PRELID2: variants seen among roughly 807,000 people sequenced by gnomAD.
The protein encoded by PRELID2 is PRELI domain-containing protein 2.
PRELID2 carries 25 observed loss-of-function variants against 28.4 expected under a neutral mutation model. The ratio of observed to expected loss-of-function variants is 0.88; its 90% CI spans 0.64 to 1.23. The LOEUF (loss-of-function observed/expected upper bound fraction) is 1.23, where lower values mean the gene tolerates loss of function less well. Ranked by LOEUF, PRELID2 falls within the 50% of genes most tolerant of loss-of-function variation. PRELID2 has a pLI of 0.00. For synonymous variants in PRELID2, 76 were observed against 71.6 expected, an observed-to-expected ratio of 1.06 and a Z score of -0.31; for missense variants, 201 against 214.4, an observed-to-expected ratio of 0.94 and a Z score of 0.39.
chr5:145,762,544 T>C (rs1757525860), intron 6 of PRELID2, among the ~76,000 whole-genome samples: 1 of 152,030 alleles, frequency 6.6e-6, no homozygotes, highest in Non-Finnish European at 1.5e-5. Flanking sequence ...TGTCTCAAAA[T>C]AAAACAAAAC....
the PRELID2 span, among the ~76,000 whole-genome samples, chr5:145,372,328 A>T: frequency 6.6e-6 from 1 of 151,948 alleles, no homozygotes; most frequent in Non-Finnish European, 1.5e-5. Context: ...TACAGTTTCC[A>T]TTATTTTGCA....
At chr5:145,761,099 T>C (rs1245965436) in intron 6 of PRELID2, among the ~76,000 whole-genome samples, 1 of 152,118 alleles carries the variant, frequency 6.6e-6, no homozygotes, top group Admixed American at 6.5e-5. Context: ...TCACTTTCTA[T>C]GTGAATTTAA....
At chr5:145,297,705 T>C in the PRELID2 span, among the ~76,000 whole-genome samples, 2 of 152,052 alleles carry the variant, frequency 1.3e-5, no homozygotes, top group Non-Finnish European at 2.9e-5. Flanking sequence ...GACATGATTG[T>C]ATATCTAGAA....
the PRELID2 span, among the ~76,000 whole-genome samples, chr5:145,345,449 C>T: frequency 6.6e-6 from 1 of 151,916 alleles, no homozygotes; most frequent in East Asian, 1.9e-4. Flanking sequence ...CAAAATGTTC[C>T]TCCCTCTCTA....
the PRELID2 span, among the ~76,000 whole-genome samples, chr5:145,462,380 C>T: frequency 6.6e-6 from 1 of 152,192 alleles, no homozygotes; most frequent in Non-Finnish European, 1.5e-5. Flanking sequence ...CCATGTCAAT[C>T]ATTGTTCAGT....
At chr5:145,817,080 T>G (rs534875897) in intron 4 of PRELID2, among the ~76,000 whole-genome samples, 1 of 150,488 alleles carries the variant, frequency 6.6e-6, no homozygotes, top group Admixed American at 6.6e-5. Flanking sequence ...AGTCCCTGCT[T>G]CTCAGGAGGC....
chr5:145,828,575 G>A (rs995459278), intron 1 of PRELID2, among the ~76,000 whole-genome samples: 1 of 152,146 alleles, frequency 6.6e-6, no homozygotes, highest in Admixed American at 6.5e-5. Flanking sequence ...ACTAGCATTA[G>A]GGAAAGGGCT....
chr5:145,444,652 T>C, the PRELID2 span, among the ~76,000 whole-genome samples: 2 of 151,902 alleles, frequency 1.3e-5, no homozygotes, highest in African/African-American at 4.8e-5. Context: ...TTTGACTAAC[T>C]AAGAGAATAA....
In PRELID2 at chr5:145,648,467, G is replaced by A. The variant is rs182461007; in HGVS notation, n.70+116464C>T. Among the ~76,000 whole-genome samples the A allele has an allele frequency of 1.7e-3, 264 of 151,614 alleles. 1 individual carries two copies. The highest frequency in any genetic ancestry group is 3.6e-3 in the Admixed American group (55 of 15,248). On this transcript the variant is annotated intron_variant and non_coding_transcript_variant, in intron 1 of 2. Coordinates refer to the PRELID2 transcript ENST00000510259. ...TATTTTCAAGTTAATAGTTATCTTT[G>A]GTGAGGGAAGGAGATTATAAGGATT...
the PRELID2 span, among the ~76,000 whole-genome samples, chr5:145,338,624 T>C: frequency 1.3e-5 from 2 of 152,256 alleles, no homozygotes; most frequent in African/African-American, 4.8e-5. Context: ...TATATATTTT[T>C]AAAGATCTTG....
the PRELID2 span, among the ~76,000 whole-genome samples, chr5:145,359,653 A>G: frequency 4.6e-5 from 7 of 152,166 alleles, no homozygotes; most frequent in Non-Finnish European, 1.0e-4. Context: ...AAAAAGCTGG[A>G]AGGCTATGTA....
At chr5:145,296,178 T>A in the PRELID2 span, among the ~76,000 whole-genome samples, 1 of 151,602 alleles carries the variant, frequency 6.6e-6, no homozygotes, top group Non-Finnish European at 1.5e-5. Flanking sequence ...TTTTGGTTTT[T>A]TTATTTATTT....
intron 1 of PRELID2, among the ~76,000 whole-genome samples, chr5:145,682,071 A>G (rs972514613): frequency 2.6e-5 from 4 of 152,146 alleles, no homozygotes; most frequent in African/African-American, 9.7e-5. Flanking sequence ...AAAAAAAAAG[A>G]CCAACAAAGA....
At chr5:145,317,526 T>G in the PRELID2 span, among the ~76,000 whole-genome samples, 10 of 152,314 alleles carry the variant, frequency 6.6e-5, no homozygotes, top group East Asian at 1.9e-3. Context: ...GGACTGACCC[T>G]TGAAATCTTT....
chr5:145,695,298 A>T (rs141122214), intron 1 of PRELID2, among the ~76,000 whole-genome samples: 1 of 152,326 alleles, frequency 6.6e-6, no homozygotes, highest in East Asian at 1.9e-4. Flanking sequence ...CTGCTTAAGT[A>T]CAGCAAAGAA....
the PRELID2 span, among the ~76,000 whole-genome samples, chr5:145,368,390 G>C: frequency 3.3e-5 from 5 of 151,880 alleles, no homozygotes; most frequent in African/African-American, 1.2e-4. Context: ...AATGTCTTCA[G>C]TTTGGCATCT....
At chr5:145,437,410 G>T in the PRELID2 span, among the ~76,000 whole-genome samples, 1 of 152,094 alleles carries the variant, frequency 6.6e-6, no homozygotes, top group African/African-American at 2.4e-5. Context: ...TGAAAAGGAA[G>T]AATTTACCTA....
chr5:145,595,784 C>T (rs139108963), intron 1 of PRELID2, among the ~76,000 whole-genome samples: 1 of 152,064 alleles, frequency 6.6e-6, no homozygotes, highest in Non-Finnish European at 1.5e-5. Context: ...AAGTACCTCC[C>T]CTTCATTTTT....
At chr5:145,698,356 T>C (rs938042523) in intron 1 of PRELID2, among the ~76,000 whole-genome samples, 1 of 152,298 alleles carries the variant, frequency 6.6e-6, no homozygotes, top group Admixed American at 6.5e-5. Flanking sequence ...ATCTTGGAGC[T>C]TATAGTCTAC....
Sources: allele counts gnomAD v4.1 joint callset (sites outside exome capture counted in the v4.1 genomes callset), GRCh38; gene constraint gnomAD v4.1.1; transcripts MANE v1.5; gene names NCBI Gene and HGNC (gene_info 2026-07-23, HGNC 2026-07-21).